Variants in SPOCK1 observed in about 807,000 individuals in gnomAD.
SPOCK1 encodes the protein testican-1.
In SPOCK1, 23 loss-of-function variants were observed where a neutral mutation model predicts 55.3. That is an observed-to-expected ratio of 0.42 (90% confidence interval 0.30 to 0.59). SPOCK1 has a LOEUF of 0.59. SPOCK1 is among the 20% of genes least tolerant of loss of function. The pLI, the probability that SPOCK1 is intolerant of heterozygous loss-of-function variation, is 0.22. For synonymous variants in SPOCK1, 226 were observed against 221.0 expected, an observed-to-expected ratio of 1.02 and a Z score of -0.20; for missense variants, 499 against 552.5, an observed-to-expected ratio of 0.90 and a Z score of 0.97.
rs1471203415 is a variant in SPOCK1 at position 137,045,213 on chromosome 5, C to T, written c.589+22502G>A. 8.5e-4 allele frequency among the ~76,000 whole-genome samples: 122 copies of T among 144,254 alleles called. 1 individual carries two copies. Among genetic ancestry groups the T allele is most frequent in the African/African-American group, 2.9e-3 (110 of 38,230 alleles). 94.6% of individuals were successfully genotyped at this position (144,254 alleles called of 152,430 possible). A position where few individuals can be genotyped will look rare whatever the true frequency, so the allele number is the denominator to read the frequency against. ...TTCTAGTTCTAGATCCCTGAGGAAT[C>T]GCCACACTGACTTCCACAATGGTTG... On this transcript the variant is annotated intron_variant, in intron 6 of 10. Coordinates refer to ENST00000394945, the MANE Select transcript of SPOCK1 (RefSeq NM_004598.4).
intron 6 of SPOCK1, 23 bp downstream of exon 6, chr5:137,067,692 C>T (rs752418042): frequency 6.2e-7 from 1 of 1,606,842 alleles, no homozygotes; most frequent in Non-Finnish European, 8.5e-7. Flanking sequence ...CCCACGAATT[C>T]TCTGAAGGAA....
intron 2 of SPOCK1, among the ~76,000 whole-genome samples, chr5:137,449,422 C>G (rs548299554): frequency 1.1e-4 from 16 of 152,328 alleles, no homozygotes; most frequent in African/African-American, 3.8e-4. Flanking sequence ...TCTGCTACAA[C>G]TGTGTTTTTT....
intron 6 of SPOCK1, among the ~76,000 whole-genome samples, chr5:137,022,638 C>A (rs1402965178): frequency 6.6e-6 from 1 of 152,182 alleles, no homozygotes. Context: ...TGGTTAAGCT[C>A]TGTGAGCTTC....
intron 9 of SPOCK1, among the ~76,000 whole-genome samples, chr5:136,981,065 A>G (rs1750721315): frequency 6.6e-6 from 1 of 152,190 alleles, no homozygotes; most frequent in Non-Finnish European, 1.5e-5. Flanking sequence ...GTGAGGTTCC[A>G]GGACAAGCAG....
At chr5:137,314,213 A>G (rs1390539527) in intron 2 of SPOCK1, among the ~76,000 whole-genome samples, 1 of 152,118 alleles carries the variant, frequency 6.6e-6, no homozygotes, top group Admixed American at 6.6e-5. Context: ...CATTTTAATT[A>G]ACAAGGCAAC....
chr5:137,482,548 G>A (rs1165096574), intron 2 of SPOCK1, among the ~76,000 whole-genome samples: 1 of 152,174 alleles, frequency 6.6e-6, no homozygotes, highest in African/African-American at 2.4e-5. Flanking sequence ...GAACACAGGA[G>A]TTCACAATCC....
intron 3 of SPOCK1, among the ~76,000 whole-genome samples, chr5:137,218,232 T>C (rs1267986900): frequency 6.6e-6 from 1 of 152,234 alleles, no homozygotes; most frequent in South Asian, 2.1e-4. Flanking sequence ...GGGTTGGAAG[T>C]AGAATCTTGG....
At chr5:137,307,660 T>C (rs1324479218) in intron 2 of SPOCK1, among the ~76,000 whole-genome samples, 1 of 152,222 alleles carries the variant, frequency 6.6e-6, no homozygotes, top group East Asian at 1.9e-4. Context: ...AGCAGGCTTT[T>C]AGTCATTGGT....
intron 2 of SPOCK1, among the ~76,000 whole-genome samples, chr5:137,324,793 A>G (rs1758045725): frequency 7.7e-6 from 1 of 129,674 alleles, no homozygotes; most frequent in African/African-American, 3.4e-5. Flanking sequence ...CACAATTAGG[A>G]AAAAAAAAAA....
intron 4 of SPOCK1, among the ~76,000 whole-genome samples, chr5:137,112,977 T>C (rs1753505284): frequency 1.3e-5 from 2 of 152,140 alleles, no homozygotes; most frequent in African/African-American, 4.8e-5. Context: ...GCCTTTTGTG[T>C]GGAGGACGCA....
rs538520628 is a variant in SPOCK1, at chr5:137,445,891, G to A, written c.186+52482C>T. On this transcript the variant is annotated intron_variant, in intron 2 of 10. Transcript: ENST00000394945. The stretch of plus-strand genomic sequence containing the variant: ...TAAAATGAATGGTATTCAGATCCCT[G>A]GAACTAGATATAGTTTTCTAAATTC... Among the ~76,000 whole-genome samples, 8 of 152,272 alleles carry A rather than the reference G, an allele frequency of 5.3e-5. No homozygotes were observed. In the South Asian group the frequency reaches 1.7e-3, roughly 32 times the overall value.
At chr5:137,321,548 A>G (rs1294012246) in intron 2 of SPOCK1, among the ~76,000 whole-genome samples, 1 of 152,178 alleles carries the variant, frequency 6.6e-6, no homozygotes, top group Non-Finnish European at 1.5e-5. Context: ...TGCAGGCCAA[A>G]ACAGAGTAGG....
At chr5:137,194,151 G>A (rs954080098) in intron 3 of SPOCK1, among the ~76,000 whole-genome samples, 3 of 152,224 alleles carry the variant, frequency 2.0e-5, no homozygotes, top group Non-Finnish European at 2.9e-5. Flanking sequence ...TTCCTGGGCT[G>A]CTGGCAGAAG....
chr5:137,166,287 A>T (rs569882678), intron 3 of SPOCK1, among the ~76,000 whole-genome samples: 3 of 152,254 alleles, frequency 2.0e-5, no homozygotes, highest in Admixed American at 1.3e-4. Context: ...CTGAAGGAAA[A>T]AATTTTTACC....
chr5:136,980,731 T>C (rs989048004), intron 9 of SPOCK1, among the ~76,000 whole-genome samples: 3 of 152,218 alleles, frequency 2.0e-5, no homozygotes, highest in South Asian at 2.1e-4. Flanking sequence ...AATGGACTAA[T>C]ACAGTGATTG....
intron 6 of SPOCK1, among the ~76,000 whole-genome samples, chr5:137,031,360 T>C (rs559561267): frequency 6.6e-6 from 1 of 152,344 alleles, no homozygotes; most frequent in African/African-American, 2.4e-5. Context: ...TGAATTTCTC[T>C]GAGTTAACAT....
At chr5:137,144,755 T>C (rs1284166049) in intron 3 of SPOCK1, among the ~76,000 whole-genome samples, 1 of 152,020 alleles carries the variant, frequency 6.6e-6, no homozygotes, top group Non-Finnish European at 1.5e-5. Context: ...GAGATCCGAA[T>C]AATAAGTGGC....
intron 3 of SPOCK1, among the ~76,000 whole-genome samples, chr5:137,152,283 C>T (rs1023940637): frequency 6.6e-6 from 1 of 152,174 alleles, no homozygotes; most frequent in African/African-American, 2.4e-5. Context: ...CTAAATAATT[C>T]GCAGTTCCTG....
chr5:137,132,257 T>A (rs896607095), intron 4 of SPOCK1, among the ~76,000 whole-genome samples: 3 of 151,110 alleles, frequency 2.0e-5, no homozygotes, highest in Non-Finnish European at 4.4e-5. Flanking sequence ...TTCAGTGAAT[T>A]GCAGGGGGGC....
Sources: gnomAD v4.1 joint callset for allele counts (sites outside exome capture counted in the v4.1 genomes callset) on GRCh38, gnomAD v4.1.1 for gene constraint, MANE v1.5 for transcripts, NCBI Gene and HGNC (gene_info 2026-07-23, HGNC 2026-07-21) for gene names.